Variants in ATP7B observed in about 807,000 individuals in gnomAD.
The protein encoded by ATP7B is ATPase copper transporting beta.
ATP7B carries 113 observed loss-of-function variants against 118.9 expected under a neutral mutation model. That is an observed-to-expected ratio of 0.95 (90% CI 0.82 to 1.11). The LOEUF (loss-of-function observed/expected upper bound fraction) is 1.11. ATP7B is among the 50% of genes most tolerant of loss of function. The probability of loss-of-function intolerance (pLI) is 0.00; values close to 1 mark genes in which losing one functional copy is unlikely to be tolerated. For missense variants in ATP7B, 1,867 were observed against 1,871.4 expected, an observed-to-expected ratio of 1.00 and a Z score of 0.04; for synonymous variants, 777 against 727.4, an observed-to-expected ratio of 1.07 and a Z score of -1.10.
intron 12 of ATP7B, among the ~76,000 whole-genome samples, chr13:51,949,104 T>C (rs1177977669): frequency 1.3e-5 from 2 of 152,122 alleles, no homozygotes; most frequent in Non-Finnish European, 1.5e-5. Context: ...TGGTTGAACC[T>C]GGGAGGTGGA....
chr13:52,009,850 A>G (rs1953940050), intron 1 of ATP7B, among the ~76,000 whole-genome samples: 1 of 152,208 alleles, frequency 6.6e-6, no homozygotes, highest in African/African-American at 2.4e-5. Flanking sequence ...AATTTGTTGA[A>G]TAAATGTTGA....
intron 13 of ATP7B, among the ~76,000 whole-genome samples, chr13:51,944,648 C>T (rs533568614): frequency 1.3e-5 from 2 of 152,332 alleles, no homozygotes; most frequent in African/African-American, 4.8e-5. Flanking sequence ...GGGACACCTG[C>T]CTCCCTGTCC....
At position 51,974,411 on chromosome 13, in the gene ATP7B, G is replaced by A; in HGVS notation, c.809C>T (p.Ser270Phe). ...QLRIDGMHCKSCVLNIEENIG... is the reference protein window; with the variant it reads ...QLRIDGMHCKFCVLNIEENIG... ...ATTTTCTTCAATATTCAAGACGCAA[G>A]ACTTACAATGCATTCCATCTATTCT... is the stretch of plus-strand genomic sequence containing the variant. The change falls in exon 2 of 21, where the codon TCT becomes TTT. Residue 270 changes from serine to phenylalanine, a missense_variant. Coordinates refer to ENST00000242839, the MANE Select transcript of ATP7B (RefSeq NM_000053.4). The A allele has an allele frequency of 6.2e-7, 1 of 1,614,000 alleles. No individual in the cohort carries two copies. Among genetic ancestry groups the A allele is most frequent in the Non-Finnish European group, 8.5e-7 (1 of 1,180,034 alleles).
chr13:51,942,638 A>G (rs1957407154), intron 14 of ATP7B, 84 bp from the exon 15 acceptor site: 1 of 1,548,484 alleles, frequency 6.5e-7, no homozygotes, highest in Non-Finnish European at 8.8e-7. Context: ...ACAGGGACAC[A>G]GGGTGAAGGT....
chr13:51,960,280 A>G lies in ATP7B; in HGVS notation c.1989T>C (p.Pro663=), dbSNP rs1400193241. ...GCATATAGATCATTAAGGCCATGAC[A>G]GGGATGCCAAACACCAGGCTGCACA... is the stretch of plus-strand genomic sequence containing the variant. ...SFLCSLVFGI[P]VMALMIYMLI... is the part of the protein sequence containing the mutation. The change falls in exon 7 of 21, where the codon CCT becomes CCC. Residue 663 remains proline (P), a synonymous_variant. Transcript: ENST00000242839. 8.1e-6 allele frequency: 13 copies of G among 1,613,944 alleles called. No homozygotes were observed. Among genetic ancestry groups the G allele is most frequent in the Non-Finnish European group, 1.1e-5 (13 of 1,179,874 alleles).
intron 1 of ATP7B, among the ~76,000 whole-genome samples, chr13:51,983,084 A>T (rs1171495065): frequency 3.3e-5 from 5 of 152,166 alleles, no homozygotes; most frequent in Admixed American, 2.6e-4. Flanking sequence ...TCGCCTGGAA[A>T]GGTGGCTGAA....
intron 1 of ATP7B, chr13:51,995,420 T>C: frequency 1.2e-6 from 1 of 839,452 alleles, no homozygotes; most frequent in Non-Finnish European, 1.4e-6. Context: ...CCTGGCTGAA[T>C]GCCTAACCCC....
chr13:51,960,262 G>T lies in ATP7B; in HGVS notation c.2007C>A (p.Ile669=). Reference sequence around the variant, plus strand: ...GCTCGTTGCTGGGTATCAGCATATAGATCATTAAGGCCATGACAGGGATGC... The same window carrying T: ...GCTCGTTGCTGGGTATCAGCATATATATCATTAAGGCCATGACAGGGATGC... ...VFGIPVMALM[I]YMLIPSNEPH... The change falls in exon 7 of 21, where the codon ATC becomes ATA. Residue 669 remains isoleucine (I), a synonymous_variant. Coordinates refer to ENST00000242839, the MANE Select transcript of ATP7B (RefSeq NM_000053.4). 6.2e-7 allele frequency: 1 copy of T among 1,613,940 alleles called. No homozygotes were observed. Among genetic ancestry groups the T allele is most frequent in the African/African-American group, 1.3e-5 (1 of 75,028 alleles).
At chr13:51,942,976 G>A (rs1957426460) in intron 14 of ATP7B, among the ~76,000 whole-genome samples, 1 of 152,324 alleles carries the variant, frequency 6.6e-6, no homozygotes, top group East Asian at 1.9e-4. Flanking sequence ...AATGGAATAA[G>A]TAGTGTTAAC....
At chr13:51,956,541 C>T (rs1032821409) in intron 9 of ATP7B, among the ~76,000 whole-genome samples, 6 of 152,064 alleles carry the variant, frequency 3.9e-5, no homozygotes, top group African/African-American at 9.7e-5. Context: ...TTGGAGGAGA[C>T]GCCTCTCCCA....
At chr13:51,984,983 T>C (rs9535814) in intron 1 of ATP7B, among the ~76,000 whole-genome samples, 5,200 of 152,236 alleles carry the variant, frequency 0.034, 131 homozygotes, top group South Asian at 0.09. Flanking sequence ...GTAAAGACCA[T>C]AGACACTATG....
intron 1 of ATP7B, among the ~76,000 whole-genome samples, chr13:51,983,689 T>C (rs1341989707): frequency 1.3e-5 from 2 of 152,008 alleles, no homozygotes; most frequent in Non-Finnish European, 2.9e-5. Context: ...CAGGTGCCCC[T>C]CAGGGACAAT....
At position 51,997,074 on chromosome 13, in the gene ATP7B, G is replaced by A. The variant is rs531092405; in HGVS notation, c.51+14213C>T. ...ATGGGAGCCCATGTAAATACATCAG[G>A]TGCATCTGTGATTGCTTTCTAGTGA... On this transcript the variant is annotated intron_variant, in intron 1 of 20. Coordinates refer to ENST00000242839, the MANE Select transcript of ATP7B (RefSeq NM_000053.4). Among the ~76,000 whole-genome samples the A allele has an allele frequency of 1.4e-3, 214 of 152,258 alleles. 1 individual carries two copies. The highest frequency in any genetic ancestry group is 7.6e-4 in the Non-Finnish European group (52 of 68,020).
intron 1 of ATP7B, among the ~76,000 whole-genome samples, chr13:51,978,074 G>A (rs986751555): frequency 1.3e-5 from 2 of 152,164 alleles, no homozygotes; most frequent in Admixed American, 1.3e-4. Flanking sequence ...TAATCTTAAA[G>A]TGAGAAAAGC....
chr13:51,934,559 C>G lies in ATP7B; in HGVS notation c.*197G>C, dbSNP rs1956846472. ...CGGTCCCGTGAGGCCAAGAGGCAGG[C>G]AGGGCCGTCCTCTCCAGGCCAAGCC... On this transcript the variant is annotated 3_prime_UTR_variant, in exon 21 of 21. Coordinates refer to ENST00000242839, the MANE Select transcript of ATP7B (RefSeq NM_000053.4). The G allele has an allele frequency of 1.2e-6, 1 of 812,826 alleles. No individual in the cohort carries two copies. The highest frequency in any genetic ancestry group is 2.3e-5 in the Admixed American group (1 of 44,326). The allele number at this position is 812,826 out of a possible 1,614,324, so 50.4% of individuals were successfully genotyped here. A position where few individuals can be genotyped will look rare whatever the true frequency, so the allele number is the denominator to read the frequency against.
At position 51,974,979 on chromosome 13, in the gene ATP7B, A is replaced by T. The variant is rs1952034021; in HGVS notation, c.241T>A (p.Ser81Thr). ...SCVKSIEDRI[S>T]NLKGIISMKV... ...ATGCTGATGATGCCTTTCAAATTGGAAATCCTGTCCTCAATGGACTTCACA... is the reference window on the plus strand; with the variant it reads ...ATGCTGATGATGCCTTTCAAATTGGTAATCCTGTCCTCAATGGACTTCACA... Residue 81 changes from serine (S) to threonine (T), a missense_variant, in exon 2 of 21, where the codon TCC becomes ACC. Physicochemically the swap from Ser to Thr is moderately conservative, Grantham distance 58. Transcript: ENST00000242839. The T allele has an allele frequency of 6.2e-7, 1 of 1,614,178 alleles. No individual in the cohort carries two copies. The highest frequency in any genetic ancestry group is 8.5e-7 in the Non-Finnish European group (1 of 1,180,030).
chr13:51,960,025 G>T (rs1445723072), intron 7 of ATP7B, 123 bp downstream of exon 7: 1 of 1,343,748 alleles, frequency 7.4e-7, no homozygotes, highest in East Asian at 2.3e-5. Flanking sequence ...GGTGGGGCAG[G>T]AAAGCTGCAA....
intron 7 of ATP7B, 154 bp from the exon 8 acceptor site, chr13:51,958,698 C>A: frequency 1.4e-6 from 1 of 712,622 alleles, no homozygotes; most frequent in South Asian, 1.6e-5. Flanking sequence ...ATGAAATATA[C>A]TTTCCCATTC....
Position 51,940,293 on chromosome 13 carries a change from G to A in ATP7B, c.3556+788C>T, listed in dbSNP as rs576619161. 1.3e-4 allele frequency among the ~76,000 whole-genome samples: 19 copies of A among 148,272 alleles called. No individual in the cohort carries two copies. The South Asian group carries it at 2.8e-3, about 22-fold the overall frequency. ...CTCCCAAAGTGCTGGGATTACAGGC[G>A]TGAGCCACCGCACCTGGCCAACACA... On this transcript the variant is annotated intron_variant, in intron 16 of 20. Coordinates refer to ENST00000242839, the MANE Select transcript of ATP7B (RefSeq NM_000053.4).
Sources: allele counts gnomAD v4.1 joint callset (sites outside exome capture counted in the v4.1 genomes callset), GRCh38; gene constraint gnomAD v4.1.1; transcripts MANE v1.5; gene names NCBI Gene and HGNC (gene_info 2026-07-23, HGNC 2026-07-21).